Variants in CDK7 observed in about 807,000 individuals in gnomAD.
The protein encoded by CDK7 is cyclin dependent kinase 7.
In CDK7, 25 loss-of-function variants were observed where a neutral mutation model predicts 49.1. That is an observed-to-expected ratio of 0.51 (90% CI 0.37 to 0.71). The LOEUF (loss-of-function observed/expected upper bound fraction) is 0.71, where lower values mean the gene tolerates loss of function less well. Among genes scored for constraint, CDK7 ranks in the 30% least tolerant of loss-of-function variants. The probability of loss-of-function intolerance (pLI) is 0.00; values close to 1 mark genes in which losing one functional copy is unlikely to be tolerated. For synonymous variants in CDK7, 107 were observed against 140.0 expected (o/e 0.76, Z 1.67); for missense variants, 316 against 411.7 (o/e 0.77, Z 2.01).
intron 10 of CDK7, among the ~76,000 whole-genome samples, chr5:69,275,898 C>T (rs964214961): frequency 4.6e-5 from 7 of 152,122 alleles, no homozygotes; most frequent in African/African-American, 1.4e-4. Context: ...GCTTCCATCC[C>T]CAAGGTACGT....
At chr5:69,269,012 A>G (rs1434400299) in intron 8 of CDK7, among the ~76,000 whole-genome samples, 195 bp from the exon 9 acceptor site, 1 of 151,110 alleles carries the variant, frequency 6.6e-6, no homozygotes, top group Non-Finnish European at 1.5e-5. Context: ...GCATGGTGGC[A>G]TGCCCCTGCA....
chr5:69,261,488 C>CTGTGTGTGTGTGTG (rs376469145), intron 7 of CDK7, among the ~76,000 whole-genome samples: 3,349 of 119,642 alleles, frequency 0.028, 57 homozygotes, highest in South Asian at 0.046. Context: ...TGAAAAGGTT[C>CTGTGTGTGTGTGTG]TCTGTGTGTG....
Position 69,246,281 on chromosome 5 carries a change from C to T in CDK7, c.127-6137C>T, listed in dbSNP as rs2972372. On this transcript the variant is annotated intron_variant, in intron 2 of 11. Transcript: ENST00000256443. ...CCTCCTGAGTAGCTGGGATTACAGG[C>T]GCATGCCACCACGCCTGGCCGATGT... Among the ~76,000 whole-genome samples the T allele has an allele frequency of 0.01, 1,580 of 152,094 alleles. 116 individuals carry two copies. The East Asian group carries it at 0.2, about 19-fold the overall frequency.
chr5:69,253,170 T>C (rs141727506), intron 3 of CDK7, among the ~76,000 whole-genome samples: 1 of 152,360 alleles, frequency 6.6e-6, no homozygotes, highest in Non-Finnish European at 1.5e-5. Context: ...CATTAAACTT[T>C]CTTCCAAAGT....
intron 2 of CDK7, among the ~76,000 whole-genome samples, chr5:69,244,349 G>A (rs1372545012): frequency 2.0e-5 from 3 of 151,786 alleles, no homozygotes; most frequent in Non-Finnish European, 4.4e-5. Context: ...GAGTCTTTAG[G>A]TTTTCCCAAA....
chr5:69,272,929 G>A lies in CDK7; in HGVS notation c.752G>A (p.Ser251Asn). 2 of 1,595,372 alleles carry A rather than the reference G, an allele frequency of 1.3e-6. No homozygotes were observed. Among genetic ancestry groups the A allele is most frequent in the Non-Finnish European group, 1.7e-6 (2 of 1,169,604 alleles). The change falls in exon 10 of 12, where the codon AGT becomes AAT. Residue 251 changes from serine (S) to asparagine (N), a missense_variant. Transcript: ENST00000256443. ...CSLPDYVTFK[S>N]FPGIPLHHIF... ...CTTCCAGATTATGTGACATTTAAGAGTTTCCCTGGAATACCTTTGCATCAC... is the reference window on the plus strand; with the variant it reads ...CTTCCAGATTATGTGACATTTAAGAATTTCCCTGGAATACCTTTGCATCAC...
intron 2 of CDK7, among the ~76,000 whole-genome samples, chr5:69,248,296 C>A (rs1410661007): frequency 1.3e-5 from 2 of 152,174 alleles, no homozygotes; most frequent in Admixed American, 1.3e-4. Context: ...ACTGAAAAGT[C>A]TGCTGCCAGA....
intron 2 of CDK7, among the ~76,000 whole-genome samples, chr5:69,238,282 T>C (rs558858890): frequency 7.8e-6 from 1 of 127,664 alleles, no homozygotes; most frequent in Non-Finnish European, 1.6e-5. Flanking sequence ...TACTTTTTTT[T>C]TCCTTTTTTT....
chr5:69,238,440 G>A (rs997922835), intron 2 of CDK7, among the ~76,000 whole-genome samples: 1 of 151,450 alleles, frequency 6.6e-6, no homozygotes, highest in Non-Finnish European at 1.5e-5. Flanking sequence ...GCATGCCACC[G>A]TGCCCCACTA....
At chr5:69,246,439 GT>G (rs1187782519) in intron 2 of CDK7, among the ~76,000 whole-genome samples, 1 of 152,012 alleles carries the variant, frequency 6.6e-6, no homozygotes, top group Admixed American at 6.6e-5. Flanking sequence ...CCGGCCAGAA[GT>G]TTATTAAAAA....
intron 4 of CDK7, among the ~76,000 whole-genome samples, chr5:69,255,206 T>C (rs1271929165): frequency 6.6e-6 from 1 of 152,248 alleles, no homozygotes; most frequent in East Asian, 1.9e-4. Context: ...AATTTCTTAA[T>C]TCTAACTCCA....
chr5:69,251,692 G>C (rs913230044), intron 2 of CDK7, among the ~76,000 whole-genome samples: 3 of 151,792 alleles, frequency 2.0e-5, no homozygotes, highest in Non-Finnish European at 4.4e-5. Flanking sequence ...CACCACTCCT[G>C]GCTAATTTTT....
At chr5:69,246,127 AGTTT>A (rs546761443) in intron 2 of CDK7, among the ~76,000 whole-genome samples, 308 of 151,672 alleles carry the variant, frequency 2.0e-3, no homozygotes, top group African/African-American at 3.7e-3. Context: ...CAGGAGTGGA[AGTTT>A]GTTTGTTTGT....
intron 8 of CDK7, among the ~76,000 whole-genome samples, chr5:69,266,034 C>T (rs1371560128): frequency 3.3e-5 from 5 of 152,030 alleles, no homozygotes; most frequent in Admixed American, 2.0e-4. Context: ...CTGCAGTGAG[C>T]CACGTTTGTG....
At position 69,240,407 on chromosome 5, in the gene CDK7, CTG is replaced by C. The variant is rs1413018117; in HGVS notation, c.126+4956_126+4957del. Among the ~76,000 whole-genome samples, 6 of 152,186 alleles carry C rather than the reference CTG, an allele frequency of 3.9e-5. 1 individual carries two copies. In the South Asian group the frequency reaches 1.0e-3, roughly 26 times the overall value. On this transcript the variant is annotated intron_variant, in intron 2 of 11. Transcript: ENST00000256443. ...AAATGGCATGGTTATGTAAGAATGT[CTG>C]TATTTTAGAGATGCTTACTTAAGTA...
At chr5:69,269,541 C>A (rs1751388423) in intron 9 of CDK7, among the ~76,000 whole-genome samples, 1 of 151,992 alleles carries the variant, frequency 6.6e-6, no homozygotes, top group Non-Finnish European at 1.5e-5. Flanking sequence ...TCACTATTAA[C>A]AATTCATTGT....
At chr5:69,261,524 G>GTGTGTGTGTGTA (rs150544036) in intron 7 of CDK7, among the ~76,000 whole-genome samples, 1 of 86,596 alleles carries the variant, frequency 1.2e-5, no homozygotes, top group African/African-American at 3.1e-5. Context: ...GTGTGTGTGT[G>GTGTGTGTGTGTA]TATGTGTGTG....
intron 8 of CDK7, among the ~76,000 whole-genome samples, chr5:69,264,006 G>A (rs1307908225): frequency 6.6e-6 from 1 of 152,158 alleles, no homozygotes; most frequent in African/African-American, 2.4e-5. Flanking sequence ...AGCTGTTCTT[G>A]TGCTCAATTG....
At chr5:69,255,799 G>C (rs1490329998) in intron 5 of CDK7, 18 of 448,888 alleles carry the variant, frequency 4.0e-5, no homozygotes, top group Non-Finnish European at 6.5e-5. Context: ...TTGGAGAAAT[G>C]AGCATTAGAC....
Sources: gnomAD v4.1 joint callset for allele counts (sites outside exome capture counted in the v4.1 genomes callset) on GRCh38, gnomAD v4.1.1 for gene constraint, MANE v1.5 for transcripts, NCBI Gene and HGNC (gene_info 2026-07-23, HGNC 2026-07-21) for gene names.